The following EDA variants were observed in gnomAD, a reference collection of about 807,000 sequenced individuals.
The protein encoded by EDA is ectodysplasin A.
In EDA, 2 loss-of-function variants were observed where a neutral mutation model predicts 23.6. That is an observed-to-expected ratio of 0.08 (90% confidence interval 0.03 to 0.27). The LOEUF is 0.27. Ranked by LOEUF, EDA falls within the 10% of genes least tolerant of loss-of-function variation. The probability of loss-of-function intolerance (pLI) is 1.00; values close to 1 mark genes in which losing one functional copy is unlikely to be tolerated. For missense variants in EDA, 229 were observed against 324.2 expected, an observed-to-expected ratio of 0.71 and a Z score of 2.26; for synonymous variants, 131 against 132.0, an observed-to-expected ratio of 0.99 and a Z score of 0.05.
chrX:70,017,307 C>A (rs2019964915), intron 2 of EDA, among the ~76,000 whole-genome samples: 1 of 112,157 alleles, frequency 8.9e-6, no homozygotes, highest in African/African-American at 3.2e-5. Context: ...ACCATTCCTA[C>A]TGAACCTATT....
rs1556001829 is a variant in EDA, at chrX:69,782,382, A to AAAAAAAC, written c.396+165684_396+165685insCAAAAAA. On this transcript the variant is annotated intron_variant, in intron 1 of 7. Transcript: ENST00000374552. ...AAATGCTCTTAAAAAAAAAAAAAAA[A>AAAAAAAC]AAAAAAAAAACATTAAGCAGCTACT... is the stretch of plus-strand genomic sequence containing the variant. Among the ~76,000 whole-genome samples the AAAAAAAC allele has an allele frequency of 2.7e-3, 289 of 106,490 alleles. 1 individual carries two copies. The highest frequency in any genetic ancestry group is 9.8e-3 in the African/African-American group (281 of 28,596). The allele number at this position is 106,490 out of a possible 115,157, so 92.5% of individuals were successfully genotyped here. A position where few individuals can be genotyped will look rare whatever the true frequency, so the allele number is the denominator to read the frequency against.
chrX:69,695,492 T>TTTTCCTTC (rs1156949597), intron 1 of EDA, among the ~76,000 whole-genome samples: 2 of 104,484 alleles, frequency 1.9e-5, no homozygotes, highest in East Asian at 5.8e-4. Context: ...GAGGACTCAG[T>TTTTCCTTC]TTTCCTTCTT....
chrX:69,747,523 G>T (rs1026136333), intron 1 of EDA, among the ~76,000 whole-genome samples: 1 of 112,340 alleles, frequency 8.9e-6, no homozygotes, highest in Non-Finnish European at 1.9e-5. Context: ...CAACCTATCA[G>T]ATTGTGCTTT....
At chrX:69,748,100 T>C (rs1249674964) in intron 1 of EDA, among the ~76,000 whole-genome samples, 1 of 111,602 alleles carries the variant, frequency 9.0e-6, no homozygotes, top group Non-Finnish European at 1.9e-5. Context: ...CAGCCCACTC[T>C]TGTGGTAGGG....
intron 2 of EDA, among the ~76,000 whole-genome samples, chrX:69,989,415 G>T (rs1454683346): frequency 9.0e-6 from 1 of 111,344 alleles, no homozygotes; most frequent in East Asian, 2.8e-4. Context: ...TCACATAGGG[G>T]TTTCCTGCTT....
chrX:69,681,453 G>T (rs936907928), intron 1 of EDA, among the ~76,000 whole-genome samples: 3 of 111,244 alleles, frequency 2.7e-5, no homozygotes, highest in African/African-American at 9.8e-5. Flanking sequence ...TCACTTTCAG[G>T]TACACCAATC....
At chrX:69,768,418 G>A (rs182445268) in intron 1 of EDA, among the ~76,000 whole-genome samples, 4 of 111,125 alleles carry the variant, frequency 3.6e-5, no homozygotes, top group African/African-American at 1.3e-4. Flanking sequence ...TTTGCATATG[G>A]ATATCCACTT....
chrX:69,706,404 G>A (rs754728358), intron 1 of EDA, among the ~76,000 whole-genome samples: 5 of 111,897 alleles, frequency 4.5e-5, no homozygotes, highest in East Asian at 5.6e-4. Context: ...GAGTACTATC[G>A]ATGAAAAGTG....
chrX:69,772,119 A>G (rs2014656795), intron 1 of EDA, among the ~76,000 whole-genome samples: 1 of 110,518 alleles, frequency 9.0e-6, no homozygotes, highest in Admixed American at 9.6e-5. Context: ...TGCCTGGCTA[A>G]TTTTTTATTT....
chrX:69,845,348 C>A (rs780601933), intron 1 of EDA, among the ~76,000 whole-genome samples: 4 of 111,741 alleles, frequency 3.6e-5, no homozygotes, highest in Non-Finnish European at 7.5e-5. Flanking sequence ...TGAAATTGGT[C>A]TCTATTCATT....
intron 2 of EDA, among the ~76,000 whole-genome samples, chrX:69,998,564 A>T: frequency 8.9e-6 from 1 of 111,922 alleles, no homozygotes; most frequent in East Asian, 2.8e-4. Context: ...GGAAGGCATG[A>T]TTGGTTTTGA....
intron 2 of EDA, among the ~76,000 whole-genome samples, chrX:70,016,656 C>A (rs1425934055): frequency 1.8e-5 from 2 of 111,486 alleles, no homozygotes; most frequent in African/African-American, 6.5e-5. Context: ...AAGCAGAAAC[C>A]AAGAAATTCT....
chrX:69,828,788 A>G (rs12864026), intron 1 of EDA, among the ~76,000 whole-genome samples: 11,628 of 112,118 alleles, frequency 0.1, 611 homozygotes, highest in Non-Finnish European at 0.15. Flanking sequence ...CTGTCATATC[A>G]TGTTTTTCAT....
intron 1 of EDA, among the ~76,000 whole-genome samples, chrX:69,664,989 T>C (rs935417350): frequency 8.9e-6 from 1 of 112,238 alleles, no homozygotes; most frequent in African/African-American, 3.2e-5. Flanking sequence ...TTTTGACTTT[T>C]TGATAATAGC....
chrX:69,640,024 C>A (rs780556700), intron 1 of EDA, among the ~76,000 whole-genome samples: 67 of 111,871 alleles, frequency 6.0e-4, no homozygotes, highest in African/African-American at 2.1e-3. Context: ...CCTTTCTCAA[C>A]TGAATGGTCT....
intron 1 of EDA, among the ~76,000 whole-genome samples, chrX:69,956,232 T>C (rs997996607): frequency 9.0e-6 from 1 of 111,468 alleles, no homozygotes; most frequent in Non-Finnish European, 1.9e-5. Context: ...ATCATGAATG[T>C]GTAATAATGA....
At chrX:69,650,244 G>A (rs1418024632) in intron 1 of EDA, among the ~76,000 whole-genome samples, 2 of 112,087 alleles carry the variant, frequency 1.8e-5, no homozygotes, top group African/African-American at 6.5e-5. Context: ...TACTTATTGA[G>A]TTGCTACTTT....
At chrX:69,866,918 G>A (rs919245388) in intron 1 of EDA, among the ~76,000 whole-genome samples, 3 of 112,183 alleles carry the variant, frequency 2.7e-5, no homozygotes, top group Admixed American at 9.4e-5. Context: ...GTTAGTCCAC[G>A]GTTGGTAGTC....
At chrX:69,705,233 AAAAAAAG>A (rs1282627967) in intron 1 of EDA, among the ~76,000 whole-genome samples, 1 of 105,032 alleles carries the variant, frequency 9.5e-6, no homozygotes. Context: ...CAAAAAAAAA[AAAAAAAG>A]AAAGAAAGAA....
Sources: gnomAD v4.1 joint callset for allele counts (sites outside exome capture counted in the v4.1 genomes callset) on GRCh38, gnomAD v4.1.1 for gene constraint, MANE v1.5 for transcripts, NCBI Gene and HGNC (gene_info 2026-07-23, HGNC 2026-07-21) for gene names.